The following MAML2 variants were observed in gnomAD, a reference collection of about 807,000 sequenced individuals.
MAML2 encodes the protein mastermind like transcriptional coactivator 2.
A neutral mutation model predicts 96.1 loss-of-function variants in MAML2; 22 were observed. The observed-to-expected ratio is 0.23, with a 90% CI of 0.16 to 0.33. MAML2 has a LOEUF of 0.33. Ranked by LOEUF, MAML2 falls within the 10% of genes least tolerant of loss-of-function variation. The probability of loss-of-function intolerance (pLI) is 1.00; values close to 1 mark genes in which losing one functional copy is unlikely to be tolerated. For missense variants in MAML2, 1,367 were observed against 1,392.4 expected (o/e 0.98, Z 0.29); for synonymous variants, 561 against 521.3 (o/e 1.08, Z -1.04).
chr11:96,059,075 C>G (rs1050024387), intron 2 of MAML2, among the ~76,000 whole-genome samples: 6 of 152,046 alleles, frequency 3.9e-5, no homozygotes, highest in Non-Finnish European at 8.8e-5. Context: ...GAGTGAGACT[C>G]TATATCAAAA....
intron 1 of MAML2, among the ~76,000 whole-genome samples, chr11:96,312,259 C>T (rs1373108678): frequency 1.5e-5 from 2 of 134,454 alleles, no homozygotes; most frequent in Non-Finnish European, 3.2e-5. Flanking sequence ...GAGCAAATGC[C>T]CTGCCTTTCT....
At chr11:96,183,404 C>CCCG (rs1184275324) in intron 1 of MAML2, among the ~76,000 whole-genome samples, 107 of 12,524 alleles carry the variant, frequency 8.5e-3, no homozygotes, top group South Asian at 0.017. Flanking sequence ...CCCCCCCCCC[C>CCCG]CTTTCTTTTG....
intron 4 of MAML2, among the ~76,000 whole-genome samples, chr11:95,980,496 A>T (rs1857720583): frequency 6.6e-6 from 1 of 152,184 alleles, no homozygotes; most frequent in Non-Finnish European, 1.5e-5. Flanking sequence ...CCAGTGTTCA[A>T]AGGGTAAATC....
chr11:96,127,513 TG>T (rs1302326643), intron 1 of MAML2, among the ~76,000 whole-genome samples: 1 of 152,182 alleles, frequency 6.6e-6, no homozygotes, highest in Non-Finnish European at 1.5e-5. Context: ...TGCTGGCTAA[TG>T]GAAGTTAATG....
chr11:96,078,081 G>A (rs750084044), intron 2 of MAML2, among the ~76,000 whole-genome samples: 7 of 151,968 alleles, frequency 4.6e-5, no homozygotes, highest in Admixed American at 1.3e-4. Flanking sequence ...TCTCCATTTC[G>A]AACCTGGAGC....
chr11:96,255,848 T>G (rs1295356733), intron 1 of MAML2, among the ~76,000 whole-genome samples: 1 of 148,104 alleles, frequency 6.8e-6, no homozygotes, highest in African/African-American at 2.5e-5. Context: ...TTTGTGGAGA[T>G]AATTTCCCCC....
intron 1 of MAML2, among the ~76,000 whole-genome samples, chr11:96,315,060 G>A (rs11021532): frequency 0.018 from 2,810 of 152,330 alleles, 51 homozygotes; most frequent in Middle Eastern, 0.051. Context: ...TAGATAGTAT[G>A]AGTTTCCTAA....
At chr11:96,045,053 T>C (rs1590979048) in intron 2 of MAML2, among the ~76,000 whole-genome samples, 2 of 151,586 alleles carry the variant, frequency 1.3e-5, no homozygotes, top group African/African-American at 4.8e-5. Flanking sequence ...ATATCCATCC[T>C]GCACTTCACC....
chr11:96,158,973 A>G (rs1051880784), intron 1 of MAML2, among the ~76,000 whole-genome samples: 3 of 152,160 alleles, frequency 2.0e-5, no homozygotes, highest in Non-Finnish European at 4.4e-5. Flanking sequence ...TCTGTTTCCT[A>G]TTAACTAGTG....
chr11:96,219,926 C>T (rs1862109210), intron 1 of MAML2, among the ~76,000 whole-genome samples: 1 of 152,082 alleles, frequency 6.6e-6, no homozygotes, highest in Non-Finnish European at 1.5e-5. Context: ...ACTCAGCCAT[C>T]AGTTTATTAT....
intron 1 of MAML2, among the ~76,000 whole-genome samples, chr11:96,298,905 C>T (rs1158330054): frequency 6.8e-6 from 1 of 146,182 alleles, no homozygotes; most frequent in Non-Finnish European, 1.5e-5. Flanking sequence ...ATTAGCTGAG[C>T]GTGGTGGCGG....
intron 1 of MAML2, among the ~76,000 whole-genome samples, chr11:96,322,423 G>A (rs1203534583): frequency 1.3e-5 from 2 of 152,230 alleles, no homozygotes; most frequent in Non-Finnish European, 2.9e-5. Context: ...AATGGGCGGG[G>A]CACAGTGGCT....
intron 2 of MAML2, among the ~76,000 whole-genome samples, chr11:96,027,497 A>G (rs775498052): frequency 4.6e-5 from 7 of 152,134 alleles, no homozygotes; most frequent in Non-Finnish European, 5.9e-5. Context: ...AGAGTTGAGC[A>G]TGGGAATGAT....
intron 4 of MAML2, among the ~76,000 whole-genome samples, chr11:95,981,602 G>T (rs1159096433): frequency 1.3e-5 from 2 of 152,116 alleles, no homozygotes; most frequent in African/African-American, 2.4e-5. Flanking sequence ...TTATAAATAT[G>T]CCCCCAACTA....
At chr11:96,160,194 CAG>C (rs1861081880) in intron 1 of MAML2, among the ~76,000 whole-genome samples, 1 of 152,164 alleles carries the variant, frequency 6.6e-6, no homozygotes, top group African/African-American at 2.4e-5. Flanking sequence ...GATGATCTCA[CAG>C]AGTTATTTAC....
intron 1 of MAML2, among the ~76,000 whole-genome samples, chr11:96,099,408 A>C (rs1859885336): frequency 6.6e-6 from 1 of 152,152 alleles, no homozygotes; most frequent in South Asian, 2.1e-4. Flanking sequence ...TTTACTAAAC[A>C]CAGAAAGAAT....
At chr11:96,144,320 A>G (rs1860780619) in intron 1 of MAML2, among the ~76,000 whole-genome samples, 1 of 152,232 alleles carries the variant, frequency 6.6e-6, no homozygotes, top group Admixed American at 6.5e-5. Flanking sequence ...ATGCTTATTG[A>G]GAAAGAAACT....
chr11:96,005,458 A>G (rs1858164107), intron 2 of MAML2, among the ~76,000 whole-genome samples: 1 of 152,204 alleles, frequency 6.6e-6, no homozygotes, highest in Non-Finnish European at 1.5e-5. Flanking sequence ...TTTTTATTTA[A>G]TCAAAGGAAC....
At chr11:96,209,699 T>C (rs1861942412) in intron 1 of MAML2, among the ~76,000 whole-genome samples, 1 of 152,232 alleles carries the variant, frequency 6.6e-6, no homozygotes, top group South Asian at 2.1e-4. Context: ...ATAATTAACC[T>C]GGGCATTATA....
Sources: allele counts gnomAD v4.1 joint callset (sites outside exome capture counted in the v4.1 genomes callset), GRCh38; gene constraint gnomAD v4.1.1; transcripts MANE v1.5; gene names NCBI Gene and HGNC (gene_info 2026-07-23, HGNC 2026-07-21).